METTL8: variants seen among roughly 807,000 people sequenced by gnomAD.
The protein encoded by METTL8 is methyltransferase 8, tRNA N3-cytidine.
A neutral mutation model predicts 48.7 loss-of-function variants in METTL8; 32 were observed. The observed-to-expected ratio is 0.66, with a 90% CI of 0.50 to 0.88. The LOEUF is 0.88. Ranked by LOEUF, METTL8 falls within the 40% of genes least tolerant of loss-of-function variation. METTL8 has a pLI of 0.00. For synonymous variants in METTL8, 136 were observed against 157.1 expected, an observed-to-expected ratio of 0.87 and a Z score of 1.01; for missense variants, 464 against 474.4, an observed-to-expected ratio of 0.98 and a Z score of 0.20.
intron 2 of METTL8, among the ~76,000 whole-genome samples, chr2:171,385,380 C>T (rs1687948249): frequency 6.6e-6 from 1 of 151,302 alleles, no homozygotes; most frequent in South Asian, 2.1e-4. Context: ...AAACACTATT[C>T]TTAAATATAA....
intron 3 of METTL8, among the ~76,000 whole-genome samples, chr2:171,348,087 T>C (rs1683478914): frequency 6.6e-6 from 1 of 152,182 alleles, no homozygotes; most frequent in African/African-American, 2.4e-5. Context: ...GCTCCCCAAC[T>C]ACTGTTGCTT....
At chr2:171,366,986 T>C (rs922927994) in intron 2 of METTL8, among the ~76,000 whole-genome samples, 3 of 151,446 alleles carry the variant, frequency 2.0e-5, no homozygotes, top group Non-Finnish European at 2.9e-5. Flanking sequence ...ATTATTCAGA[T>C]TGAAGACCAG....
At chr2:171,421,617 G>GGA (rs1365637943) in intron 1 of METTL8, among the ~76,000 whole-genome samples, 8 of 152,130 alleles carry the variant, frequency 5.3e-5, no homozygotes, top group Admixed American at 5.2e-4. Context: ...CTAAATAAAT[G>GGA]GAGAGCTACA....
At chr2:171,356,952 A>ATGTTTTTGTTTTTTTTTT in intron 3 of METTL8, among the ~76,000 whole-genome samples, 2 of 78,466 alleles carry the variant, frequency 2.5e-5, no homozygotes, top group Non-Finnish European at 4.8e-5. Flanking sequence ...CAAAGACAAT[A>ATGTTTTTGTTTTTTTTTT]TTTTTTTTTT....
chr2:171,351,700 T>C (rs1278588872), intron 3 of METTL8, among the ~76,000 whole-genome samples: 1 of 152,226 alleles, frequency 6.6e-6, no homozygotes, highest in African/African-American at 2.4e-5. Context: ...TTTGGATTCC[T>C]AGGTATTTTA....
intron 1 of METTL8, among the ~76,000 whole-genome samples, chr2:171,419,967 C>T (rs2105651848): frequency 6.6e-6 from 1 of 152,030 alleles, no homozygotes; most frequent in South Asian, 2.1e-4. Context: ...CTCATCCTTT[C>T]CCCTAACAAC....
Position 171,360,599 on chromosome 2 carries a change from A to C in METTL8, c.144-86T>G, listed in dbSNP as rs1053166858. 3 of 1,138,206 alleles carry C rather than the reference A, an allele frequency of 2.6e-6. No individual in the cohort carries two copies. The African/African-American group carries it at 4.7e-5, about 18-fold the overall frequency. 70.5% of individuals were successfully genotyped at this position (1,138,206 alleles called of 1,614,324 possible). A position where few individuals can be genotyped will look rare whatever the true frequency, so the allele number is the denominator to read the frequency against. On this transcript the variant is annotated intron_variant, in intron 2 of 9. Coordinates refer to ENST00000375258, the MANE Select transcript of METTL8 (RefSeq NM_001321154.2). The stretch of plus-strand genomic sequence containing the variant: ...GACAAGGAACCACATCTTTCATTCT[A>C]GATTAGCTGAAGACATATGATACAG...
chr2:171,330,227 A>C (rs1685372776), intron 7 of METTL8, among the ~76,000 whole-genome samples: 1 of 152,222 alleles, frequency 6.6e-6, no homozygotes, highest in South Asian at 2.1e-4. Flanking sequence ...GTTTCTGATC[A>C]CCAAGTACAA....
rs376109269 is a variant in METTL8 at position 171,373,170 on chromosome 2, A to G, written c.144-12657T>C. On this transcript the variant is annotated intron_variant, in intron 2 of 9. Coordinates refer to ENST00000375258, the MANE Select transcript of METTL8 (RefSeq NM_001321154.2). ...GCTGTTTCCTGACTTTTTAATGATCACCATTCTAACTGGTGTGAGATGGTA... is the reference window on the plus strand; with the variant it reads ...GCTGTTTCCTGACTTTTTAATGATCGCCATTCTAACTGGTGTGAGATGGTA... 1.2e-4 allele frequency among the ~76,000 whole-genome samples: 18 copies of G among 151,972 alleles called. No homozygotes were observed. In the East Asian group the frequency reaches 2.7e-3, roughly 23 times the overall value.
intron 5 of METTL8, among the ~76,000 whole-genome samples, chr2:171,333,798 T>C (rs1685791547): frequency 6.6e-6 from 1 of 152,216 alleles, no homozygotes; most frequent in African/African-American, 2.4e-5. Context: ...TCAGCTTTAC[T>C]ACATAGTTGC....
intron 1 of METTL8, among the ~76,000 whole-genome samples, chr2:171,429,021 A>C (rs1692699694): frequency 6.6e-6 from 1 of 152,160 alleles, no homozygotes; most frequent in Non-Finnish European, 1.5e-5. Flanking sequence ...TTGTACTATA[A>C]GGTACCTTAT....
At chr2:171,328,033 G>A (rs893972820) in intron 7 of METTL8, among the ~76,000 whole-genome samples, 3 of 152,112 alleles carry the variant, frequency 2.0e-5, no homozygotes, top group South Asian at 2.1e-4. Flanking sequence ...GGCAAGGAAC[G>A]GGAGCTACTT....
rs191583529 is a variant in METTL8 at position 171,343,535 on chromosome 2, C to T, written c.236-3981G>A. On this transcript the variant is annotated intron_variant, in intron 3 of 9. Coordinates refer to ENST00000375258, the MANE Select transcript of METTL8 (RefSeq NM_001321154.2). ...AGAATAGTATATACATTGATGGCAGCTCTAAAATTTATTTTATAGTCATTC... is the reference window on the plus strand; with the variant it reads ...AGAATAGTATATACATTGATGGCAGTTCTAAAATTTATTTTATAGTCATTC... Among the ~76,000 whole-genome samples, 72 of 151,942 alleles carry T rather than the reference C, an allele frequency of 4.7e-4. 1 individual carries two copies. The East Asian group carries it at 9.7e-3, about 20-fold the overall frequency.
At chr2:171,402,165 G>T (rs1178134666) in intron 1 of METTL8, among the ~76,000 whole-genome samples, 1 of 152,148 alleles carries the variant, frequency 6.6e-6, no homozygotes, top group Non-Finnish European at 1.5e-5. Flanking sequence ...TCCACGGAGA[G>T]AAGGGTAAAA....
chr2:171,387,521 C>A (rs1688183135), intron 2 of METTL8, among the ~76,000 whole-genome samples: 1 of 151,094 alleles, frequency 6.6e-6, no homozygotes, highest in Non-Finnish European at 1.5e-5. Flanking sequence ...CAGAGCGAGA[C>A]TCTGTCTTAT....
At chr2:171,434,277 G>A (rs1390618550), upstream of METTL8, 2 of 552,442 alleles carry the variant, frequency 3.6e-6, no homozygotes, top group Non-Finnish European at 3.4e-6. Context: ...CCCGGTGAGA[G>A]AGCGGCTCCG....
chr2:171,330,204 A>G (rs1454956250), intron 7 of METTL8, among the ~76,000 whole-genome samples: 2 of 152,174 alleles, frequency 1.3e-5, no homozygotes, highest in African/African-American at 4.8e-5. Flanking sequence ...AAGACACTAC[A>G]CTAAAGATGT....
chr2:171,394,802 T>A (rs1008724565), intron 1 of METTL8, among the ~76,000 whole-genome samples: 1 of 152,228 alleles, frequency 6.6e-6, no homozygotes, highest in Non-Finnish European at 1.5e-5. Context: ...TCATGAATTG[T>A]TTGACTGATT....
chr2:171,404,178 A>C (rs1340688321), intron 1 of METTL8, among the ~76,000 whole-genome samples: 1 of 149,224 alleles, frequency 6.7e-6, no homozygotes, highest in Admixed American at 6.7e-5. Flanking sequence ...ATATACAATA[A>C]GTTATGTGAA....
Sources: allele counts gnomAD v4.1 joint callset (sites outside exome capture counted in the v4.1 genomes callset), GRCh38; gene constraint gnomAD v4.1.1; transcripts MANE v1.5; gene names NCBI Gene and HGNC (gene_info 2026-07-23, HGNC 2026-07-21).